LHFPL3: variants seen among roughly 807,000 people sequenced by gnomAD.
LHFPL3 encodes LHFPL tetraspan subfamily member 3 protein.
A neutral mutation model predicts 19.3 loss-of-function variants in LHFPL3; 5 were observed. The ratio of observed to expected loss-of-function variants is 0.26; its 90% CI spans 0.14 to 0.54. LHFPL3 has a LOEUF of 0.54. Among genes scored for constraint, LHFPL3 ranks in the 20% least tolerant of loss-of-function variants. LHFPL3 has a pLI of 0.94. For synonymous variants in LHFPL3, 133 were observed against 126.2 expected, an observed-to-expected ratio of 1.05 and a Z score of -0.36; for missense variants, 249 against 307.4, an observed-to-expected ratio of 0.81 and a Z score of 1.42.
intron 1 of LHFPL3, among the ~76,000 whole-genome samples, chr7:104,672,630 A>AC (rs1584473225): frequency 6.6e-6 from 1 of 152,296 alleles, no homozygotes; most frequent in East Asian, 1.9e-4. Context: ...GCGGGGACTG[A>AC]CATGTGTGTT....
chr7:104,582,818 A>G (rs1330449356), intron 1 of LHFPL3, among the ~76,000 whole-genome samples: 1 of 151,794 alleles, frequency 6.6e-6, no homozygotes, highest in Non-Finnish European at 1.5e-5. Flanking sequence ...TCTTTTTAAT[A>G]TATTATTTGA....
intron 1 of LHFPL3, among the ~76,000 whole-genome samples, chr7:104,449,678 C>T (rs568547946): frequency 9.3e-4 from 141 of 152,156 alleles, no homozygotes; most frequent in Non-Finnish European, 1.1e-3. Context: ...TACAGCCCAA[C>T]GGTAATCCTT....
At chr7:104,885,654 C>T (rs188595038) in intron 2 of LHFPL3, among the ~76,000 whole-genome samples, 2 of 152,288 alleles carry the variant, frequency 1.3e-5, no homozygotes, top group African/African-American at 4.8e-5. Context: ...CCACCACTGC[C>T]TCTCTTCCAG....
intron 1 of LHFPL3, among the ~76,000 whole-genome samples, chr7:104,604,766 G>T (rs187780611): frequency 2.8e-3 from 420 of 152,276 alleles, no homozygotes; most frequent in Admixed American, 5.4e-3. Flanking sequence ...CTTAGGGAAA[G>T]CAAATAGCAG....
chr7:104,793,725 A>T (rs1489303125), intron 2 of LHFPL3, among the ~76,000 whole-genome samples: 1 of 152,198 alleles, frequency 6.6e-6, no homozygotes, highest in Non-Finnish European at 1.5e-5. Flanking sequence ...AAGATTATAG[A>T]GCTGCCAACT....
At chr7:104,888,273 T>C (rs553243937) in intron 2 of LHFPL3, among the ~76,000 whole-genome samples, 1 of 152,334 alleles carries the variant, frequency 6.6e-6, no homozygotes, top group South Asian at 2.1e-4. Flanking sequence ...CTCACACTTG[T>C]AATCCCAGTG....
intron 1 of LHFPL3, among the ~76,000 whole-genome samples, chr7:104,394,134 T>G (rs1229858269): frequency 1.3e-5 from 2 of 152,246 alleles, no homozygotes; most frequent in Non-Finnish European, 2.9e-5. Context: ...TCTTTAAAAC[T>G]CTACTTCAAC....
chr7:104,610,793 C>T (rs1791199201), intron 1 of LHFPL3, among the ~76,000 whole-genome samples: 1 of 152,206 alleles, frequency 6.6e-6, no homozygotes, highest in African/African-American at 2.4e-5. Flanking sequence ...TAGGCACACC[C>T]AGAAATAATG....
At position 104,399,451 on chromosome 7, in the gene LHFPL3, G is replaced by T. The variant is rs60740318; in HGVS notation, c.445+70227G>T. ...TCTTCTGTTTTTTTTTGTTTTTTAG[G>T]TTTTTTTTGTTTGTTTGTTTGAGAT... On this transcript the variant is annotated intron_variant, in intron 1 of 2. Coordinates refer to ENST00000424859, the MANE Select transcript of LHFPL3 (RefSeq NM_199000.3). This position sits in a 1 kb window ranked among gnomAD's most constrained non-coding sequence, Gnocchi z 4.4. Among the ~76,000 whole-genome samples, 6,079 of 150,920 alleles carry T rather than the reference G, an allele frequency of 0.04. 429 individuals are homozygous for T. Among genetic ancestry groups the T allele is most frequent in the African/African-American group, 0.14 (5,765 of 41,042 alleles).
intron 1 of LHFPL3, among the ~76,000 whole-genome samples, chr7:104,424,011 G>GT (rs1791788111): frequency 6.6e-6 from 1 of 152,148 alleles, no homozygotes; most frequent in African/African-American, 2.4e-5. Context: ...AAAGGAGGTA[G>GT]TAAAATGTAC....
At chr7:104,582,252 T>C (rs1790474889) in intron 1 of LHFPL3, among the ~76,000 whole-genome samples, 2 of 152,118 alleles carry the variant, frequency 1.3e-5, no homozygotes, top group African/African-American at 4.8e-5. Context: ...TGTTGTTTAA[T>C]TTTATTTTCC....
intron 1 of LHFPL3, among the ~76,000 whole-genome samples, chr7:104,479,460 C>T (rs1410119129): frequency 1.3e-5 from 2 of 151,488 alleles, no homozygotes; most frequent in Non-Finnish European, 2.9e-5. Flanking sequence ...GGCATGATCT[C>T]GCCTCACTGC....
At chr7:104,585,181 G>T (rs1425173184) in intron 1 of LHFPL3, among the ~76,000 whole-genome samples, 2 of 151,886 alleles carry the variant, frequency 1.3e-5, no homozygotes, top group Non-Finnish European at 2.9e-5. Context: ...GCCCGACGCT[G>T]CATGGGCCTG....
At chr7:104,562,314 G>A (rs1254916468) in intron 1 of LHFPL3, among the ~76,000 whole-genome samples, 5 of 152,168 alleles carry the variant, frequency 3.3e-5, no homozygotes, top group African/African-American at 7.2e-5. Flanking sequence ...TCACTTTCAG[G>A]TACACCAATC....
At chr7:104,787,007 A>G (rs1212161046) in intron 2 of LHFPL3, among the ~76,000 whole-genome samples, 1 of 152,168 alleles carries the variant, frequency 6.6e-6, no homozygotes, top group Admixed American at 6.5e-5. Flanking sequence ...CATCTTTGCT[A>G]TTGCAAGCCA....
At chr7:104,549,301 A>AAT (rs35759876) in intron 1 of LHFPL3, among the ~76,000 whole-genome samples, 2,034 of 149,060 alleles carry the variant, frequency 0.014, 32 homozygotes, top group African/African-American at 0.033. Context: ...ACAATCTGAG[A>AAT]ATATATATAT....
chr7:104,719,958 C>G (rs1184450118), intron 1 of LHFPL3, among the ~76,000 whole-genome samples: 2 of 152,112 alleles, frequency 1.3e-5, no homozygotes, highest in Non-Finnish European at 2.9e-5. Context: ...CAAATGGCAG[C>G]CTCCTATTTC....
intron 1 of LHFPL3, among the ~76,000 whole-genome samples, chr7:104,394,854 C>T (rs908634137): frequency 2.0e-5 from 3 of 152,018 alleles, no homozygotes; most frequent in Non-Finnish European, 4.4e-5. Context: ...GCACCCACCA[C>T]CGCGTCAGGA....
intron 1 of LHFPL3, chr7:104,623,021 C>T (rs758116761): frequency 2.7e-6 from 1 of 376,158 alleles, no homozygotes; most frequent in East Asian, 8.4e-5. Context: ...TTTGCATTTC[C>T]CTGATGGCTA....
Sources: allele counts gnomAD v4.1 joint callset (sites outside exome capture counted in the v4.1 genomes callset), GRCh38; gene constraint gnomAD v4.1.1; non-coding constraint Gnocchi (gnomAD v3.1); transcripts MANE v1.5; gene names NCBI Gene and HGNC (gene_info 2026-07-23, HGNC 2026-07-21).